The following ATP8A2 variants were observed in gnomAD, a reference collection of about 807,000 sequenced individuals.
ATP8A2 encodes the protein phospholipid-transporting ATPase IB.
Under a neutral mutation model 165.6 loss-of-function variants are expected in ATP8A2, and 100 were observed. That is an observed-to-expected ratio of 0.60 (90% CI 0.51 to 0.71). The LOEUF is 0.71. ATP8A2 is among the 30% of genes least tolerant of loss of function. The pLI, the probability that ATP8A2 is intolerant of heterozygous loss-of-function variation, is 0.00. For missense variants in ATP8A2, 1,227 were observed against 1,479.5 expected (o/e 0.83, Z 2.80); for synonymous variants, 543 against 548.8 (o/e 0.99, Z 0.15).
intron 25 of ATP8A2, among the ~76,000 whole-genome samples, chr13:25,738,912 A>G (rs868624292): frequency 2.1e-4 from 32 of 149,846 alleles, no homozygotes; most frequent in African/African-American, 7.4e-4. Context: ...AATAGTGTAC[A>G]TTATTGTGAT....
intron 30 of ATP8A2, among the ~76,000 whole-genome samples, chr13:25,859,046 T>C (rs562615076): frequency 4.5e-4 from 69 of 151,826 alleles, no homozygotes; most frequent in African/African-American, 1.6e-3. Context: ...CTACTAAAAA[T>C]ACAAAAATTA....
chr13:25,905,905 A>G (rs1022647694), intron 33 of ATP8A2, among the ~76,000 whole-genome samples: 5 of 152,086 alleles, frequency 3.3e-5, no homozygotes, highest in African/African-American at 9.7e-5. Flanking sequence ...CATTCCACAC[A>G]CTGTGTTTTC....
intron 23 of ATP8A2, among the ~76,000 whole-genome samples, chr13:25,589,150 T>C (rs1236734296): frequency 1.3e-5 from 2 of 152,228 alleles, no homozygotes; most frequent in Non-Finnish European, 2.9e-5. Context: ...AGAAAGATTT[T>C]TTTGAAATGT....
intron 7 of ATP8A2, among the ~76,000 whole-genome samples, chr13:25,539,546 T>C (rs1212735313): frequency 6.6e-6 from 1 of 152,120 alleles, no homozygotes; most frequent in African/African-American, 2.4e-5. Flanking sequence ...CCACTTAATC[T>C]TCCCAATAAC....
At chr13:25,443,995 T>C (rs1274004490) in intron 1 of ATP8A2, among the ~76,000 whole-genome samples, 5 of 152,254 alleles carry the variant, frequency 3.3e-5, no homozygotes, top group African/African-American at 1.2e-4. Flanking sequence ...CCTGAATGCA[T>C]TTTTATATAC....
chr13:25,427,746 T>C (rs1395143867), intron 1 of ATP8A2, among the ~76,000 whole-genome samples: 1 of 151,592 alleles, frequency 6.6e-6, no homozygotes, highest in Non-Finnish European at 1.5e-5. Flanking sequence ...ATAGGAAAAT[T>C]AGTTGGGCAT....
intron 33 of ATP8A2, among the ~76,000 whole-genome samples, chr13:25,949,577 C>T (rs1035441818): frequency 6.6e-6 from 1 of 152,096 alleles, no homozygotes; most frequent in East Asian, 1.9e-4. Flanking sequence ...AACAATATGC[C>T]AGAGACACAC....
At chr13:25,451,026 T>C (rs1225878877) in intron 1 of ATP8A2, among the ~76,000 whole-genome samples, 1 of 152,156 alleles carries the variant, frequency 6.6e-6, no homozygotes, top group Non-Finnish European at 1.5e-5. Flanking sequence ...ACATTGCTTC[T>C]TCAGATATTT....
chr13:25,651,491 A>G (rs1468852464), intron 24 of ATP8A2, among the ~76,000 whole-genome samples: 3 of 152,034 alleles, frequency 2.0e-5, no homozygotes, highest in African/African-American at 7.2e-5. Context: ...TCAGGCTGTT[A>G]TAGTAAGCTT....
At chr13:25,623,747 A>ATGTG (rs919548783) in intron 24 of ATP8A2, among the ~76,000 whole-genome samples, 2 of 151,878 alleles carry the variant, frequency 1.3e-5, no homozygotes, top group Admixed American at 1.3e-4. Context: ...TTATAGAAAT[A>ATGTG]TGTGTGTGTG....
intron 35 of ATP8A2, among the ~76,000 whole-genome samples, chr13:25,979,653 G>A (rs573010711): frequency 7.2e-5 from 11 of 152,304 alleles, no homozygotes; most frequent in East Asian, 3.9e-4. Context: ...ATGTATCCAC[G>A]CAACAGACAT....
At chr13:25,604,640 GA>G (rs2138393930) in intron 24 of ATP8A2, among the ~76,000 whole-genome samples, 1 of 152,288 alleles carries the variant, frequency 6.6e-6, no homozygotes, top group African/African-American at 2.4e-5. Context: ...TAATGGTCTT[GA>G]AATAATTATT....
intron 2 of ATP8A2, among the ~76,000 whole-genome samples, chr13:25,485,580 A>G (rs575924887): frequency 6.6e-6 from 1 of 152,346 alleles, no homozygotes; most frequent in East Asian, 1.9e-4. Context: ...TCTAGTCCAC[A>G]GTGAGCTGGT....
At chr13:25,404,532 G>T (rs1231815662) in intron 1 of ATP8A2, among the ~76,000 whole-genome samples, 1 of 152,014 alleles carries the variant, frequency 6.6e-6, no homozygotes, top group Non-Finnish European at 1.5e-5. Flanking sequence ...AGGAATAAGT[G>T]GGGGAACACC....
intron 17 of ATP8A2, among the ~76,000 whole-genome samples, chr13:25,571,329 A>G (rs2039461906): frequency 6.6e-6 from 1 of 152,196 alleles, no homozygotes; most frequent in Non-Finnish European, 1.5e-5. Context: ...TATTAGGTTC[A>G]TTGGAGAGAA....
chr13:25,556,695 C>T (rs2038991359), intron 13 of ATP8A2, among the ~76,000 whole-genome samples: 1 of 152,130 alleles, frequency 6.6e-6, no homozygotes, highest in South Asian at 2.1e-4. Context: ...GACTTCATTT[C>T]ATACACCTTA....
At position 25,916,305 on chromosome 13, in the gene ATP8A2, C is replaced by T. The variant is rs540011395; in HGVS notation, c.3184-45270C>T. Among the ~76,000 whole-genome samples the T allele has an allele frequency of 1.1e-4, 17 of 152,310 alleles. No individual in the cohort carries two copies. The South Asian group carries it at 1.9e-3, about 17-fold the overall frequency. Reference sequence around the variant, plus strand: ...CCTTCTGCAGTACAGCCCACAAGGCCGTGGGCACAGCACACCGGGTCTGAG... The same window carrying T: ...CCTTCTGCAGTACAGCCCACAAGGCTGTGGGCACAGCACACCGGGTCTGAG... On this transcript the variant is annotated intron_variant, in intron 33 of 36. Coordinates refer to ENST00000381655, the MANE Select transcript of ATP8A2 (RefSeq NM_016529.6).
At chr13:25,381,213 A>G (rs1379928450) in intron 1 of ATP8A2, among the ~76,000 whole-genome samples, 1 of 152,068 alleles carries the variant, frequency 6.6e-6, no homozygotes, top group Non-Finnish European at 1.5e-5. Flanking sequence ...CTACACAACA[A>G]CCTTCTTGAA....
chr13:25,847,861 C>T (rs1232664693), intron 30 of ATP8A2, among the ~76,000 whole-genome samples: 8 of 152,132 alleles, frequency 5.3e-5, no homozygotes, highest in Non-Finnish European at 1.0e-4. Flanking sequence ...GCCCACACCC[C>T]CAGCCACCTC....
Sources: allele counts gnomAD v4.1 joint callset (sites outside exome capture counted in the v4.1 genomes callset), GRCh38; gene constraint gnomAD v4.1.1; transcripts MANE v1.5; gene names NCBI Gene and HGNC (gene_info 2026-07-23, HGNC 2026-07-21).